SAMD12: variants seen among roughly 807,000 people sequenced by gnomAD.
SAMD12 encodes the protein sterile alpha motif domain-containing protein 12.
SAMD12 carries 9 observed loss-of-function variants against 15.0 expected under a neutral mutation model. That is an observed-to-expected ratio of 0.60 (90% CI 0.36 to 1.05). SAMD12 has a LOEUF of 1.05. Among genes scored for constraint, SAMD12 ranks in the 50% least tolerant of loss-of-function variants. The pLI is 0.01. For missense variants in SAMD12, 230 were observed against 234.2 expected (o/e 0.98, Z 0.12); for synonymous variants, 86 against 90.1 (o/e 0.96, Z 0.25).
chr8:118,607,658 T>A (rs1311539698), intron 1 of SAMD12, among the ~76,000 whole-genome samples: 1 of 152,200 alleles, frequency 6.6e-6, no homozygotes, highest in East Asian at 1.9e-4. Flanking sequence ...CAGATAGGGA[T>A]GATAATGAAA....
At chr8:118,537,459 T>C (rs1363704733) in intron 2 of SAMD12, among the ~76,000 whole-genome samples, 1 of 152,184 alleles carries the variant, frequency 6.6e-6, no homozygotes, top group Non-Finnish European at 1.5e-5. Context: ...TATTTCATTC[T>C]TTTTTATTCT....
At chr8:118,255,555 C>A (rs1812918266) in intron 4 of SAMD12, among the ~76,000 whole-genome samples, 1 of 130,144 alleles carries the variant, frequency 7.7e-6, no homozygotes, top group Admixed American at 8.9e-5. Context: ...CTTCCTGTGT[C>A]CATGTGTTCT....
At chr8:118,431,089 G>A (rs960788303) in intron 3 of SAMD12, among the ~76,000 whole-genome samples, 5 of 151,978 alleles carry the variant, frequency 3.3e-5, no homozygotes, top group African/African-American at 4.8e-5. Context: ...AACAATATAC[G>A]TTTTTAAGTA....
At chr8:118,481,577 A>G (rs1389439183) in intron 2 of SAMD12, among the ~76,000 whole-genome samples, 1 of 152,186 alleles carries the variant, frequency 6.6e-6, no homozygotes, top group East Asian at 1.9e-4. Context: ...TTTGTAGAGG[A>G]GGGCCATTTT....
At chr8:118,161,071 G>T in the SAMD12 span, among the ~76,000 whole-genome samples, 3 of 152,220 alleles carry the variant, frequency 2.0e-5, no homozygotes, top group African/African-American at 7.2e-5. Flanking sequence ...GCGATAGTTT[G>T]CTGAGAATGA....
rs185934033 is a variant in SAMD12, at chr8:118,526,968, C to T, written c.192+53747G>A. Among the ~76,000 whole-genome samples the T allele has an allele frequency of 8.5e-5, 13 of 152,334 alleles. No homozygotes were observed. In the East Asian group the frequency reaches 2.5e-3, roughly 29 times the overall value. ...TCATATCAAACAAACTCACTGAAGA[C>T]ATCCAAATGTCTTTCAGAATGCATC... On this transcript the variant is annotated intron_variant, in intron 2 of 3. Transcript: ENST00000314727.
At chr8:118,156,827 A>C in the SAMD12 span, among the ~76,000 whole-genome samples, 1 of 152,338 alleles carries the variant, frequency 6.6e-6, no homozygotes, top group South Asian at 2.1e-4. Flanking sequence ...AGAAGAAAGG[A>C]GCAAAGACTC....
At chr8:118,563,255 T>TACACAAACATATATATA (rs1826758788) in intron 2 of SAMD12, among the ~76,000 whole-genome samples, 1 of 152,242 alleles carries the variant, frequency 6.6e-6, no homozygotes, top group Admixed American at 6.5e-5. Flanking sequence ...AAACATATGT[T>TACACAAACATATATATA]ACATTGCTGT....
chr8:118,323,242 C>G lies in SAMD12; in HGVS notation c.433+56318G>C, dbSNP rs189551162. ...TTTTGGAATATATTTGTTACAGCAG[C>G]TAGTGTTTGTTTAACAAATATATAT... On this transcript the variant is annotated intron_variant, in intron 4 of 4. Coordinates refer to the SAMD12 transcript ENST00000409003. Among the ~76,000 whole-genome samples the G allele has an allele frequency of 2.7e-3, 413 of 152,238 alleles. 2 individuals carry two copies. The highest frequency in any genetic ancestry group is 0.017 in the Middle Eastern group (5 of 294).
chr8:118,186,357 C>T (rs775953693), downstream of SAMD12, among the ~76,000 whole-genome samples: 6 of 152,140 alleles, frequency 3.9e-5, no homozygotes, highest in African/African-American at 1.2e-4. Context: ...TCTCTAAAGT[C>T]AGGAAAAATA....
At chr8:118,169,044 T>C in the SAMD12 span, among the ~76,000 whole-genome samples, 1 of 152,020 alleles carries the variant, frequency 6.6e-6, no homozygotes, top group Admixed American at 6.6e-5. Flanking sequence ...TGGGGAATAA[T>C]ATAGTGGGGA....
intron 2 of SAMD12, among the ~76,000 whole-genome samples, chr8:118,533,178 G>T (rs1168912780): frequency 6.6e-6 from 1 of 152,130 alleles, no homozygotes; most frequent in South Asian, 2.1e-4. Context: ...CTTTATTTCT[G>T]CCTTCATTTC....
intron 3 of SAMD12, among the ~76,000 whole-genome samples, chr8:118,432,998 G>C (rs1452217411): frequency 1.3e-5 from 2 of 152,178 alleles, no homozygotes; most frequent in Admixed American, 6.5e-5. Flanking sequence ...TGAAGCAAAG[G>C]CTGTCCAACT....
At chr8:118,326,641 T>C (rs970902729) in intron 4 of SAMD12, among the ~76,000 whole-genome samples, 6 of 152,144 alleles carry the variant, frequency 3.9e-5, no homozygotes, top group Admixed American at 1.3e-4. Flanking sequence ...ATTGTTACTT[T>C]AAGGTATCTG....
chr8:118,505,890 G>A (rs748126938), intron 2 of SAMD12, among the ~76,000 whole-genome samples: 1 of 152,176 alleles, frequency 6.6e-6, no homozygotes, highest in South Asian at 2.1e-4. Flanking sequence ...TTTTCTAGTT[G>A]CTAAAATATC....
chr8:118,493,661 CT>C, intron 2 of SAMD12, among the ~76,000 whole-genome samples: 1 of 152,226 alleles, frequency 6.6e-6, no homozygotes, highest in South Asian at 2.1e-4. Flanking sequence ...TCTGGTTCAT[CT>C]CTTACATAAC....
chr8:118,344,997 A>G (rs1817563751), intron 4 of SAMD12, among the ~76,000 whole-genome samples: 1 of 152,300 alleles, frequency 6.6e-6, no homozygotes, highest in South Asian at 2.1e-4. Flanking sequence ...GCAGTGTTCA[A>G]TAATGTCTTA....
intron 4 of SAMD12, among the ~76,000 whole-genome samples, chr8:118,252,390 T>C (rs1267368981): frequency 6.6e-6 from 1 of 152,146 alleles, no homozygotes; most frequent in Non-Finnish European, 1.5e-5. Flanking sequence ...TCTTACTCTG[T>C]GGTCCAGAAA....
chr8:118,582,306 C>T (rs1229586947), intron 1 of SAMD12, among the ~76,000 whole-genome samples: 8 of 152,100 alleles, frequency 5.3e-5, no homozygotes, highest in Admixed American at 2.0e-4. Context: ...TTTCAGTCTT[C>T]GCAAGTTACA....
Sources: gnomAD v4.1 joint callset for allele counts (sites outside exome capture counted in the v4.1 genomes callset) on GRCh38, gnomAD v4.1.1 for gene constraint, MANE v1.5 for transcripts, NCBI Gene and HGNC (gene_info 2026-07-23, HGNC 2026-07-21) for gene names.